The following DNM1L variants were observed in gnomAD, a reference collection of about 807,000 sequenced individuals.
DNM1L encodes dynamin 1L.
DNM1L carries 33 observed loss-of-function variants against 92.8 expected under a neutral mutation model. The ratio of observed to expected loss-of-function variants is 0.36; its 90% CI spans 0.27 to 0.48. The LOEUF (loss-of-function observed/expected upper bound fraction) is 0.48. Among genes scored for constraint, DNM1L ranks in the 20% least tolerant of loss-of-function variants. DNM1L has a pLI of 0.99. For missense variants in DNM1L, 485 were observed against 888.8 expected (o/e 0.55, Z 5.78); for synonymous variants, 284 against 305.0 (o/e 0.93, Z 0.72).
At chr12:32,697,958 A>G (rs527383710) in intron 1 of DNM1L, among the ~76,000 whole-genome samples, 8 of 151,898 alleles carry the variant, frequency 5.3e-5, no homozygotes, top group Middle Eastern at 3.4e-3. Context: ...AGTTATGCCT[A>G]TAAATTTGAA....
chr12:32,702,721 A>G (rs1592594754), intron 2 of DNM1L, among the ~76,000 whole-genome samples: 1 of 152,030 alleles, frequency 6.6e-6, no homozygotes, highest in Non-Finnish European at 1.5e-5. Flanking sequence ...CCTCATGAGC[A>G]TCTGCTATGA....
chr12:32,684,941 AT>A lies in DNM1L; in HGVS notation c.102+5492del, dbSNP rs113634833. Among the ~76,000 whole-genome samples the A allele has an allele frequency of 7.5e-3, 1,032 of 137,498 alleles. 6 individuals carry two copies. Among genetic ancestry groups the A allele is most frequent in the African/African-American group, 0.014 (514 of 37,318 alleles). 90.2% of individuals were successfully genotyped at this position (137,498 alleles called of 152,430 possible). A position where few individuals can be genotyped will look rare whatever the true frequency, so the allele number is the denominator to read the frequency against. On this transcript the variant is annotated intron_variant, in intron 1 of 19. Coordinates refer to ENST00000549701, the MANE Select transcript of DNM1L (RefSeq NM_012062.5). ...TTTACAAGTTTTTGTGTGAATGTGT[AT>A]TTTTTTTTTTTTTTTGAGATGGAGT... is the stretch of plus-strand genomic sequence containing the variant.
chr12:32,696,809 G>C (rs1335818538), intron 1 of DNM1L, among the ~76,000 whole-genome samples: 3 of 150,620 alleles, frequency 2.0e-5, no homozygotes, highest in African/African-American at 7.3e-5. Flanking sequence ...ATTTTTAGTA[G>C]AGATGGGGTT....
At chr12:32,722,383 T>C (rs1565523691) in intron 8 of DNM1L, 44 bp from the exon 9 acceptor site, 7 of 1,557,744 alleles carry the variant, frequency 4.5e-6, no homozygotes, top group Middle Eastern at 2.3e-4. Context: ...GGCTTTAGAA[T>C]ACACAATTTT....
intron 8 of DNM1L, among the ~76,000 whole-genome samples, chr12:32,721,500 T>C (rs564437937): frequency 6.6e-6 from 1 of 152,350 alleles, no homozygotes; most frequent in East Asian, 1.9e-4. Context: ...ATTTGCATTT[T>C]TTCCTTGCTT....
chr12:32,695,136 T>C (rs1371165359), intron 1 of DNM1L, among the ~76,000 whole-genome samples: 3 of 152,096 alleles, frequency 2.0e-5, no homozygotes, highest in Non-Finnish European at 2.9e-5. Context: ...AGGGCCAAGA[T>C]ACCTCAGAAA....
rs144811347 is a variant in DNM1L, at chr12:32,742,625, T to C, written c.2031T>C (p.His677=). 7.6e-5 allele frequency: 122 copies of C among 1,614,116 alleles called. No homozygotes were observed. The highest frequency in any genetic ancestry group is 9.7e-5 in the Non-Finnish European group (114 of 1,179,988). The change falls in exon 19 of 20, where the codon CAT becomes CAC. Residue 677 remains histidine, a synonymous_variant. Transcript: ENST00000549701. Reference sequence around the variant, plus strand: ...CAGTAATGCATTTTTTGGTTAATCATGTGAAAGACACTCTTCAGAGTGAGC... The same window carrying C: ...CAGTAATGCATTTTTTGGTTAATCACGTGAAAGACACTCTTCAGAGTGAGC... ...PKAVMHFLVN[H]VKDTLQSELV...
chr12:32,713,415 G>A, intron 6 of DNM1L, 44 bp downstream of exon 6: 1 of 1,601,282 alleles, frequency 6.2e-7, no homozygotes. Flanking sequence ...TTTTACAATG[G>A]TAAATCTACC....
chr12:32,718,982 C>T (rs1341497259), intron 7 of DNM1L, among the ~76,000 whole-genome samples: 5 of 149,702 alleles, frequency 3.3e-5, no homozygotes, highest in Non-Finnish European at 5.9e-5. Context: ...AATAGGGTCT[C>T]TCTCTGTTGC....
intron 1 of DNM1L, among the ~76,000 whole-genome samples, chr12:32,696,951 T>C (rs983750329): frequency 2.0e-5 from 3 of 150,666 alleles, no homozygotes; most frequent in African/African-American, 4.9e-5. Context: ...ATCTTAAATA[T>C]GGAATTTCAT....
intron 3 of DNM1L, among the ~76,000 whole-genome samples, chr12:32,707,852 GA>G (rs1952985802): frequency 6.6e-6 from 1 of 151,988 alleles, no homozygotes; most frequent in African/African-American, 2.4e-5. Flanking sequence ...TTGGAAGGCT[GA>G]GTCGGGAGGA....
At position 32,706,770 on chromosome 12, in the gene DNM1L, TAATG is replaced by T. The variant is rs568611572; in HGVS notation, c.251-595_251-592del. On this transcript the variant is annotated intron_variant, in intron 2 of 19. Transcript: ENST00000549701. ...AATTACAAAGCAGCTAGCTCTATAATAATGAGAGAGCTCTTTAAAGGAACAGCAA... is the reference window on the plus strand; with the variant it reads ...AATTACAAAGCAGCTAGCTCTATAATAGAGAGCTCTTTAAAGGAACAGCAA... 3.3e-5 allele frequency: 15 copies of T among 448,918 alleles called. No individual in the cohort carries two copies. The East Asian group carries it at 9.8e-4, about 29-fold the overall frequency. The allele number at this position is 448,918 out of a possible 1,614,324, so 27.8% of individuals were successfully genotyped here. A position where few individuals can be genotyped will look rare whatever the true frequency, so the allele number is the denominator to read the frequency against.
At chr12:32,679,550 GCGCCCACTC>G in intron 1 of DNM1L, 85 bp downstream of exon 1, 1 of 1,450,150 alleles carries the variant, frequency 6.9e-7, no homozygotes, top group Non-Finnish European at 9.3e-7. Flanking sequence ...TCCCGCGCCA[GCGCCCACTC>G]CCGCGCCAGC....
intron 1 of DNM1L, among the ~76,000 whole-genome samples, chr12:32,698,899 C>T (rs60657886): frequency 0.15 from 23,380 of 151,906 alleles, 1,901 homozygotes; most frequent in Middle Eastern, 0.21. Flanking sequence ...CTCCTGGAAT[C>T]CTAGCTACTC....
chr12:32,737,817 AT>A, intron 14 of DNM1L, 47 bp from the exon 15 acceptor site: 1 of 1,461,630 alleles, frequency 6.8e-7, no homozygotes, highest in Non-Finnish European at 9.6e-7. Context: ...TCCTGAATGC[AT>A]TTTTGCATCC....
Position 32,743,169 on chromosome 12 carries a change from A to T in DNM1L, c.2155-185A>T, listed in dbSNP as rs540774704. ...CTCGACCTCCCAAAGTGCTGGGATTACAGGCATGAGCCACTGCGCCTGGCC... is the reference window on the plus strand; with the variant it reads ...CTCGACCTCCCAAAGTGCTGGGATTTCAGGCATGAGCCACTGCGCCTGGCC... On this transcript the variant is annotated intron_variant, in intron 19 of 19. Transcript: ENST00000549701. Among the ~76,000 whole-genome samples the T allele has an allele frequency of 9.9e-5, 15 of 152,220 alleles. 1 individual carries two copies. The South Asian group carries it at 3.1e-3, about 32-fold the overall frequency.
chr12:32,683,136 T>C (rs754440434), intron 1 of DNM1L, among the ~76,000 whole-genome samples: 2 of 152,230 alleles, frequency 1.3e-5, no homozygotes, highest in Non-Finnish European at 2.9e-5. Flanking sequence ...GTGTTCCTAG[T>C]AATGTACTTT....
At chr12:32,724,340 G>A (rs989010619) in intron 9 of DNM1L, among the ~76,000 whole-genome samples, 10 of 151,960 alleles carry the variant, frequency 6.6e-5, no homozygotes, top group Non-Finnish European at 1.2e-4. Flanking sequence ...CACTTTGGGA[G>A]GCTGAGGCAG....
At chr12:32,716,509 G>A (rs1255232124) in intron 6 of DNM1L, among the ~76,000 whole-genome samples, 1 of 151,854 alleles carries the variant, frequency 6.6e-6, no homozygotes, top group Non-Finnish European at 1.5e-5. Flanking sequence ...TGTAGAGACA[G>A]AGTTTCACCA....
Sources: gnomAD v4.1 joint callset for allele counts (sites outside exome capture counted in the v4.1 genomes callset) on GRCh38, gnomAD v4.1.1 for gene constraint, MANE v1.5 for transcripts, NCBI Gene and HGNC (gene_info 2026-07-23, HGNC 2026-07-21) for gene names.